OTUD4: variants seen among roughly 807,000 people sequenced by gnomAD.
OTUD4 encodes OTU deubiquitinase 4.
OTUD4 carries 24 observed loss-of-function variants against 130.4 expected under a neutral mutation model. The ratio of observed to expected loss-of-function variants is 0.18; its 90% CI spans 0.13 to 0.26. The LOEUF is 0.26. Ranked by LOEUF, OTUD4 falls within the 10% of genes least tolerant of loss-of-function variation. The probability of loss-of-function intolerance (pLI) is 1.00; values close to 1 mark genes in which losing one functional copy is unlikely to be tolerated. For missense variants in OTUD4, 1,031 were observed against 1,329.4 expected (o/e 0.78, Z 3.49); for synonymous variants, 420 against 472.5 (o/e 0.89, Z 1.44).
rs1045298955 is a variant in OTUD4 at position 145,135,199 on chromosome 4, C to A, written c.*2231G>T. The A allele has an allele frequency of 2.9e-5, 6 of 204,986 alleles. No individual in the cohort carries two copies. Among genetic ancestry groups the A allele is most frequent in the Non-Finnish European group, 5.8e-5 (6 of 103,128 alleles). The allele number at this position is 204,986 out of a possible 1,614,324, so 12.7% of individuals were successfully genotyped here. ...AGTACCATCTGCTAAAATTCTCTTT[C>A]AAGCACTTCTTCCATCATATCCTAG... On this transcript the variant is annotated 3_prime_UTR_variant, in exon 21 of 21. Transcript: ENST00000447906.
intron 1 of OTUD4, 22 bp downstream of exon 1, chr4:145,179,793 C>CCCCCCCCCCCCCCCCCCAT: frequency 6.8e-7 from 1 of 1,461,526 alleles, no homozygotes; most frequent in Non-Finnish European, 9.1e-7. Context: ...CCTCGAAGCC[C>CCCCCCCCCCCCCCCCCCAT]TCCCCGCCCC....
At chr4:145,176,250 T>G (rs1426090082) in intron 1 of OTUD4, among the ~76,000 whole-genome samples, 1 of 151,478 alleles carries the variant, frequency 6.6e-6, no homozygotes, top group African/African-American at 2.4e-5. Flanking sequence ...TTTCTATTAC[T>G]GGGTATCTCA....
At position 145,165,676 on chromosome 4, in the gene OTUD4, T is replaced by C. The variant is rs530447993; in HGVS notation, c.295-479A>G. On this transcript the variant is annotated intron_variant, in intron 3 of 20. Coordinates refer to ENST00000447906, the MANE Select transcript of OTUD4 (RefSeq NM_001366057.1). ...ATTTTTAGTAGAGACGGGGTTTCTC[T>C]ATGTTGGTCAGGCTGGTCTCAACTA... Among the ~76,000 whole-genome samples, 76 of 151,988 alleles carry C rather than the reference T, an allele frequency of 5.0e-4. 1 individual carries two copies. In the South Asian group the frequency reaches 0.016, roughly 32 times the overall value.
intron 6 of OTUD4, among the ~76,000 whole-genome samples, chr4:145,160,799 C>T (rs907031413): frequency 6.6e-6 from 1 of 151,888 alleles, no homozygotes; most frequent in African/African-American, 2.4e-5. Flanking sequence ...GGTGACAGAG[C>T]GAGACCCTGT....
At chr4:145,152,682 T>A in intron 10 of OTUD4, 47 bp from the exon 11 acceptor site, 1 of 1,037,178 alleles carries the variant, frequency 9.6e-7, no homozygotes, top group Non-Finnish European at 1.5e-6. Context: ...ATCAGTCACC[T>A]GCTTCCTTTG....
chr4:145,144,217 C>A, intron 15 of OTUD4, 94 bp downstream of exon 15: 1 of 1,372,682 alleles, frequency 7.3e-7, no homozygotes, highest in Non-Finnish European at 1.0e-6. Context: ...AACTACTTAA[C>A]AACTTAAAAA....
chr4:145,141,345 A>ATC, intron 19 of OTUD4, 34 bp downstream of exon 19: 1 of 1,541,732 alleles, frequency 6.5e-7, no homozygotes, highest in Non-Finnish European at 8.7e-7. Flanking sequence ...TTTGGACTTG[A>ATC]TAAAGTCGAT....
chr4:145,175,449 T>C (rs1475438936), intron 1 of OTUD4, among the ~76,000 whole-genome samples: 1 of 152,244 alleles, frequency 6.6e-6, no homozygotes, highest in Non-Finnish European at 1.5e-5. Flanking sequence ...CTCTGCAGTT[T>C]ACATTTTCTT....
intron 20 of OTUD4, 28 bp from the exon 21 acceptor site, chr4:145,138,678 A>G (rs774191545): frequency 1.3e-6 from 2 of 1,561,592 alleles, no homozygotes; most frequent in Non-Finnish European, 1.7e-6. Context: ...AGTTAAATAA[A>G]CAAAAGAGGA....
At position 145,138,152 on chromosome 4, in the gene OTUD4, C is replaced by T; in HGVS notation, c.2623G>A (p.Val875Ile). 1 of 1,613,994 alleles carries T rather than the reference C, an allele frequency of 6.2e-7. No individual in the cohort carries two copies. The highest frequency in any genetic ancestry group is 8.5e-7 in the Non-Finnish European group (1 of 1,179,868). Residue 875 changes from valine (V) to isoleucine (I), a missense_variant, in exon 21 of 21, where the codon GTA (valine) becomes ATA (isoleucine). Physicochemically the swap from Val to Ile is conservative, Grantham distance 29 (BLOSUM62 3). Transcript: ENST00000447906. ...YPFQGFIENP[V>I]MRQNIVLPSD... The stretch of plus-strand genomic sequence containing the variant: ...GGCAGGACAATATTCTGCCTCATTA[C>T]TGGATTTTCTATGAATCCCTGAAAA...
At position 145,136,672 on chromosome 4, in the gene OTUD4, G is replaced by C. The variant is rs36227003; in HGVS notation, c.*758C>G. On this transcript the variant is annotated 3_prime_UTR_variant, in exon 21 of 21. Coordinates refer to ENST00000447906, the MANE Select transcript of OTUD4 (RefSeq NM_001366057.1). ...AGTAGGCACCATGATATTTACACCA[G>C]TGCTAAGAATTCTTGGTGGAAACAG... 72 of 152,502 alleles carry C rather than the reference G, an allele frequency of 4.7e-4. No homozygotes were observed. Among genetic ancestry groups the C allele is most frequent in the African/African-American group, 1.7e-3 (69 of 41,480 alleles). 9.4% of individuals were successfully genotyped at this position (152,502 alleles called of 1,614,324 possible).
chr4:145,159,680 GT>G (rs1751462309), intron 6 of OTUD4, 45 bp from the exon 7 acceptor site: 2 of 1,595,426 alleles, frequency 1.3e-6, no homozygotes, highest in Admixed American at 1.7e-5. Context: ...ACTACAGGCA[GT>G]TTTTTAAAAA....
chr4:145,142,663 A>C (rs567295793), intron 17 of OTUD4, among the ~76,000 whole-genome samples: 1 of 152,374 alleles, frequency 6.6e-6, no homozygotes, highest in African/African-American at 2.4e-5. Context: ...CTGGAATTAC[A>C]GGCGTGAGCC....
chr4:145,166,409 C>CA (rs1751877265), intron 3 of OTUD4, among the ~76,000 whole-genome samples: 1 of 151,770 alleles, frequency 6.6e-6, no homozygotes. Flanking sequence ...CCCAGCAATT[C>CA]AACTTCTATA....
chr4:145,153,129 C>T (rs1751142531), intron 10 of OTUD4, among the ~76,000 whole-genome samples: 1 of 152,186 alleles, frequency 6.6e-6, no homozygotes. Flanking sequence ...ATCTCCTTAA[C>T]CTCCCAGACC....
At chr4:145,178,858 A>G (rs566341565) in intron 1 of OTUD4, among the ~76,000 whole-genome samples, 19 of 152,294 alleles carry the variant, frequency 1.2e-4, no homozygotes, top group African/African-American at 4.3e-4. Context: ...AACATCATAA[A>G]AACCCCACAG....
At position 145,134,373 on chromosome 4, in the gene OTUD4, A is replaced by T. The variant is rs1274475265; in HGVS notation, c.*3057T>A. ...AAGTAAAAGACAAAACATTTACCTC[A>T]TCTAAAAATGAAGGTAAAACGAAAG... On this transcript the variant is annotated 3_prime_UTR_variant, in exon 21 of 21. Coordinates refer to ENST00000447906, the MANE Select transcript of OTUD4 (RefSeq NM_001366057.1). The T allele has an allele frequency of 4.4e-6, 1 of 227,230 alleles. No individual in the cohort carries two copies. The highest frequency in any genetic ancestry group is 8.5e-6 in the Non-Finnish European group (1 of 117,128). The allele number at this position is 227,230 out of a possible 1,614,324, so 14.1% of individuals were successfully genotyped here.
At chr4:145,144,476 AC>A in intron 14 of OTUD4, 42 bp from the exon 15 acceptor site, 1 of 1,581,060 alleles carries the variant, frequency 6.3e-7, no homozygotes, top group Non-Finnish European at 8.6e-7. Context: ...TTAAAGATTT[AC>A]CCACAGATAC....
chr4:145,180,322 A>G lies in OTUD4; in HGVS notation c.-349T>C, dbSNP rs1206314627. On this transcript the variant is annotated 5_prime_UTR_variant, in exon 1 of 21. Transcript: ENST00000447906. ...CAGGCCGGGGGTCGCCGCCCCCACA[A>G]GTTTCCTCCTCCGTACCGGTGTGAA... Among the ~76,000 whole-genome samples, 1 of 151,948 alleles carries G rather than the reference A, an allele frequency of 6.6e-6. No individual in the cohort carries two copies. The highest frequency in any genetic ancestry group is 2.4e-5 in the African/African-American group (1 of 41,384).
Sources: allele counts gnomAD v4.1 joint callset (sites outside exome capture counted in the v4.1 genomes callset), GRCh38; gene constraint gnomAD v4.1.1; transcripts MANE v1.5; gene names NCBI Gene and HGNC (gene_info 2026-07-23, HGNC 2026-07-21).